GALNT13: variants seen among roughly 807,000 people sequenced by gnomAD.
GALNT13 encodes polypeptide N-acetylgalactosaminyltransferase 13.
A neutral mutation model predicts 64.2 loss-of-function variants in GALNT13; 28 were observed. The observed-to-expected ratio is 0.44, with a 90% CI of 0.32 to 0.60. The LOEUF (loss-of-function observed/expected upper bound fraction) is 0.60, where lower values mean the gene tolerates loss of function less well. Among genes scored for constraint, GALNT13 ranks in the 20% least tolerant of loss-of-function variants. GALNT13 has a pLI of 0.05. For synonymous variants in GALNT13, 214 were observed against 224.6 expected, an observed-to-expected ratio of 0.95 and a Z score of 0.42; for missense variants, 577 against 669.8, an observed-to-expected ratio of 0.86 and a Z score of 1.53.
chr2:153,775,638 T>G, the GALNT13 span, among the ~76,000 whole-genome samples: 1 of 152,118 alleles, frequency 6.6e-6, no homozygotes, highest in African/African-American at 2.4e-5. Context: ...GTCTAATATC[T>G]TTTTCATCAT....
the GALNT13 span, among the ~76,000 whole-genome samples, chr2:153,581,386 A>T: frequency 1.2e-4 from 18 of 152,140 alleles, 1 homozygote; most frequent in African/African-American, 4.3e-4. Flanking sequence ...TTATTTTATT[A>T]GCAAATAGGG....
At chr2:153,504,643 A>C in the GALNT13 span, among the ~76,000 whole-genome samples, 4 of 152,320 alleles carry the variant, frequency 2.6e-5, no homozygotes, top group South Asian at 8.3e-4. Context: ...TGAGATGATC[A>C]TATGATTTTT....
chr2:153,463,157 A>G, the GALNT13 span, among the ~76,000 whole-genome samples: 1 of 152,106 alleles, frequency 6.6e-6, no homozygotes, highest in African/African-American at 2.4e-5. Context: ...AGAATGATAA[A>G]TAATTTAAAA....
chr2:154,031,584 A>G (rs1418660587), intron 3 of GALNT13, among the ~76,000 whole-genome samples: 2 of 152,024 alleles, frequency 1.3e-5, no homozygotes, highest in Non-Finnish European at 2.9e-5. Flanking sequence ...GGAAGCATCA[A>G]CCAAAAAAAC....
At chr2:153,403,451 T>C in the GALNT13 span, among the ~76,000 whole-genome samples, 1 of 152,156 alleles carries the variant, frequency 6.6e-6, no homozygotes, top group African/African-American at 2.4e-5. Flanking sequence ...TGTGGTGGGC[T>C]CCACCCAGTT....
At chr2:153,670,621 C>G in the GALNT13 span, among the ~76,000 whole-genome samples, 1 of 152,184 alleles carries the variant, frequency 6.6e-6, no homozygotes, top group African/African-American at 2.4e-5. Context: ...GCTGAAAATT[C>G]TAAAAACCAG....
chr2:154,207,818 GCTAA>G (rs1017223648), intron 4 of GALNT13, among the ~76,000 whole-genome samples: 30 of 152,128 alleles, frequency 2.0e-4, no homozygotes, highest in Non-Finnish European at 4.1e-4. Flanking sequence ...TAGCTTACAT[GCTAA>G]CTGTCTCCTG....
chr2:153,119,361 A>G, the GALNT13 span, among the ~76,000 whole-genome samples: 1 of 152,066 alleles, frequency 6.6e-6, no homozygotes, highest in African/African-American at 2.4e-5. Context: ...CCCTAAATTA[A>G]TCAGTTTTTC....
the GALNT13 span, among the ~76,000 whole-genome samples, chr2:153,194,200 T>A: frequency 6.6e-6 from 1 of 152,184 alleles, no homozygotes; most frequent in African/African-American, 2.4e-5. Context: ...TCATAAAATT[T>A]ATCTTCATCT....
chr2:154,283,474 A>G (rs897817875), intron 8 of GALNT13, among the ~76,000 whole-genome samples: 1 of 151,948 alleles, frequency 6.6e-6, no homozygotes, highest in African/African-American at 2.4e-5. Context: ...GCAAACACTG[A>G]GAGAATGGTA....
At chr2:153,562,666 T>G in the GALNT13 span, among the ~76,000 whole-genome samples, 1 of 152,170 alleles carries the variant, frequency 6.6e-6, no homozygotes, top group Admixed American at 6.5e-5. Flanking sequence ...GACCTTGTGT[T>G]CAATATTCTT....
the GALNT13 span, among the ~76,000 whole-genome samples, chr2:153,401,111 T>C: frequency 6.6e-6 from 1 of 152,118 alleles, no homozygotes; most frequent in Non-Finnish European, 1.5e-5. Flanking sequence ...GTCCCAGAGA[T>C]TCTGGTATGT....
intron 9 of GALNT13, among the ~76,000 whole-genome samples, chr2:154,357,709 C>G (rs1309937753): frequency 6.6e-6 from 1 of 152,044 alleles, no homozygotes; most frequent in Non-Finnish European, 1.5e-5. Flanking sequence ...TGGTCATTCA[C>G]TGGGATAGTC....
chr2:153,719,902 C>T, the GALNT13 span, among the ~76,000 whole-genome samples: 4 of 152,116 alleles, frequency 2.6e-5, no homozygotes, highest in Admixed American at 2.0e-4. Context: ...CCGCCATTGC[C>T]CAGGCTTGCT....
chr2:153,400,172 A>G, the GALNT13 span, among the ~76,000 whole-genome samples: 7 of 151,716 alleles, frequency 4.6e-5, no homozygotes, highest in African/African-American at 9.7e-5. Context: ...TTCTGCATCT[A>G]TTGAGATAAT....
chr2:153,335,436 A>T, the GALNT13 span, among the ~76,000 whole-genome samples: 1 of 152,192 alleles, frequency 6.6e-6, no homozygotes, highest in Non-Finnish European at 1.5e-5. Context: ...AGCTGAGGTG[A>T]TCTCAGATGG....
At chr2:154,198,351 T>TTTTTGTTTTG (rs1169084892) in intron 4 of GALNT13, among the ~76,000 whole-genome samples, 1 of 152,018 alleles carries the variant, frequency 6.6e-6, no homozygotes, top group South Asian at 2.1e-4. Flanking sequence ...TCTTTGTTGT[T>TTTTTGTTTTG]TTTTGTTTTG....
At chr2:154,127,530 A>G (rs747685135) in intron 3 of GALNT13, among the ~76,000 whole-genome samples, 8 of 152,094 alleles carry the variant, frequency 5.3e-5, no homozygotes, top group South Asian at 2.1e-4. Flanking sequence ...AAGTACCTCC[A>G]TAAGTAGTTG....
chr2:153,779,134 C>T, the GALNT13 span, among the ~76,000 whole-genome samples: 1 of 152,012 alleles, frequency 6.6e-6, no homozygotes, highest in Non-Finnish European at 1.5e-5. Context: ...AATAAATGAA[C>T]TAACTTCAGA....
Sources: gnomAD v4.1 joint callset for allele counts (sites outside exome capture counted in the v4.1 genomes callset) on GRCh38, gnomAD v4.1.1 for gene constraint, MANE v1.5 for transcripts, NCBI Gene and HGNC (gene_info 2026-07-23, HGNC 2026-07-21) for gene names.